Variants in FMNL2 observed in about 807,000 individuals in gnomAD.
FMNL2 encodes the protein formin like 2.
In FMNL2, 51 loss-of-function variants were observed where a neutral mutation model predicts 130.2. The ratio of observed to expected loss-of-function variants is 0.39; its 90% CI spans 0.31 to 0.49. FMNL2 has a LOEUF of 0.49. Among genes scored for constraint, FMNL2 ranks in the 20% least tolerant of loss-of-function variants. The probability of loss-of-function intolerance (pLI) is 0.85; values close to 1 mark genes in which losing one functional copy is unlikely to be tolerated. For missense variants in FMNL2, 977 were observed against 1,316.2 expected (o/e 0.74, Z 3.99); for synonymous variants, 465 against 467.1 (o/e 1.00, Z 0.06).
intron 1 of FMNL2, among the ~76,000 whole-genome samples, chr2:152,419,260 A>G (rs1686779794): frequency 6.6e-6 from 1 of 152,170 alleles, no homozygotes; most frequent in African/African-American, 2.4e-5. Flanking sequence ...AAATCAAGCT[A>G]CCTAACCTAT....
chr2:152,425,581 C>A (rs1314817993), intron 1 of FMNL2, among the ~76,000 whole-genome samples: 1 of 152,124 alleles, frequency 6.6e-6, no homozygotes, highest in Non-Finnish European at 1.5e-5. Flanking sequence ...AATTATACTG[C>A]TTTTTAATGA....
chr2:152,335,947 G>T (rs999845191), intron 1 of FMNL2, among the ~76,000 whole-genome samples: 6 of 151,858 alleles, frequency 4.0e-5, no homozygotes, highest in African/African-American at 1.4e-4. Context: ...GCTCAGGGCC[G>T]GCTGCCCAAC....
intron 1 of FMNL2, among the ~76,000 whole-genome samples, chr2:152,427,119 A>G (rs958127549): frequency 5.3e-5 from 8 of 152,226 alleles, no homozygotes; most frequent in African/African-American, 1.9e-4. Context: ...TAGGAGCAGG[A>G]AATCATTCTG....
chr2:152,391,047 C>A (rs1032731673), intron 1 of FMNL2, among the ~76,000 whole-genome samples: 1 of 152,182 alleles, frequency 6.6e-6, no homozygotes, highest in African/African-American at 2.4e-5. Context: ...AATACTATAG[C>A]AATAGTAACC....
chr2:152,639,834 CT>C, intron 23 of FMNL2, 123 bp from the exon 24 acceptor site: 2 of 795,880 alleles, frequency 2.5e-6, no homozygotes, highest in South Asian at 1.9e-5. Context: ...AAGTGTAGAT[CT>C]TCTCAACCTT....
At chr2:152,445,263 G>A (rs181051775) in intron 1 of FMNL2, among the ~76,000 whole-genome samples, 2 of 152,272 alleles carry the variant, frequency 1.3e-5, no homozygotes, top group Admixed American at 1.3e-4. Flanking sequence ...TTTTCCCTGT[G>A]GAAACTGAGT....
chr2:152,535,050 C>T (rs183244337), intron 2 of FMNL2, among the ~76,000 whole-genome samples: 21 of 152,218 alleles, frequency 1.4e-4, no homozygotes, highest in Admixed American at 3.3e-4. Flanking sequence ...AAGTTGGGAA[C>T]GGAGGAAAGA....
At chr2:152,490,590 TG>T (rs1691106308) in intron 1 of FMNL2, among the ~76,000 whole-genome samples, 2 of 150,482 alleles carry the variant, frequency 1.3e-5, no homozygotes, top group East Asian at 3.9e-4. Context: ...TGTGTGTGTG[TG>T]TGTGTGTGTG....
chr2:152,532,691 T>C (rs1693773103), intron 2 of FMNL2, among the ~76,000 whole-genome samples: 1 of 151,148 alleles, frequency 6.6e-6, no homozygotes, highest in Non-Finnish European at 1.5e-5. Context: ...CATTGCAACC[T>C]CCGTTTCCTG....
chr2:152,490,972 T>C (rs559389525), intron 1 of FMNL2, among the ~76,000 whole-genome samples: 1 of 152,290 alleles, frequency 6.6e-6, no homozygotes, highest in Admixed American at 6.5e-5. Flanking sequence ...GTGCCTTGGA[T>C]AATGCTGCTG....
chr2:152,614,430 T>G (rs1384962250), intron 11 of FMNL2, among the ~76,000 whole-genome samples: 1 of 152,216 alleles, frequency 6.6e-6, no homozygotes, highest in African/African-American at 2.4e-5. Flanking sequence ...TGGAAAGGGC[T>G]GGACTATTTG....
chr2:152,355,106 A>C (rs967573587), intron 1 of FMNL2, among the ~76,000 whole-genome samples: 1 of 152,164 alleles, frequency 6.6e-6, no homozygotes, highest in Non-Finnish European at 1.5e-5. Context: ...CATGTGACTC[A>C]TTTCTTTTGG....
chr2:152,510,787 G>A (rs560599591), intron 1 of FMNL2, among the ~76,000 whole-genome samples: 3 of 152,234 alleles, frequency 2.0e-5, no homozygotes, highest in Admixed American at 6.5e-5. Flanking sequence ...GGCCTGCCAC[G>A]CAAGACTTTC....
chr2:152,384,623 A>G (rs1212894902), intron 1 of FMNL2, among the ~76,000 whole-genome samples: 1 of 152,126 alleles, frequency 6.6e-6, no homozygotes, highest in Non-Finnish European at 1.5e-5. Context: ...CGTGCTTGAA[A>G]GGTGGACTCT....
chr2:152,450,135 C>A (rs1043642436), intron 1 of FMNL2, among the ~76,000 whole-genome samples: 2 of 152,054 alleles, frequency 1.3e-5, no homozygotes, highest in African/African-American at 4.8e-5. Context: ...TTAATATTTG[C>A]ATTAAAAAAA....
chr2:152,418,976 C>CT (rs34491065), intron 1 of FMNL2, among the ~76,000 whole-genome samples: 367 of 142,212 alleles, frequency 2.6e-3, no homozygotes, highest in African/African-American at 8.6e-3. Flanking sequence ...GTGTCTTTTC[C>CT]TTTTTTTTTT....
At chr2:152,619,229 CT>C (rs1699108452) in intron 14 of FMNL2, 71 bp downstream of exon 14, 1 of 1,472,018 alleles carries the variant, frequency 6.8e-7, no homozygotes, top group East Asian at 2.4e-5. Flanking sequence ...CAACTGTCCA[CT>C]TCTGTCCTTT....
At chr2:152,509,494 T>G (rs1357449821) in intron 1 of FMNL2, among the ~76,000 whole-genome samples, 1 of 152,016 alleles carries the variant, frequency 6.6e-6, no homozygotes, top group Non-Finnish European at 1.5e-5. Flanking sequence ...CCAGAGAACT[T>G]TCCCTCTCAT....
intron 6 of FMNL2, among the ~76,000 whole-genome samples, chr2:152,566,250 AT>A (rs1695829431): frequency 4.6e-5 from 7 of 152,208 alleles, no homozygotes; most frequent in Admixed American, 4.6e-4. Flanking sequence ...CATAGAAGTA[AT>A]TATTAAAAGT....
Sources: allele counts gnomAD v4.1 joint callset (sites outside exome capture counted in the v4.1 genomes callset), GRCh38; gene constraint gnomAD v4.1.1; transcripts MANE v1.5; gene names NCBI Gene and HGNC (gene_info 2026-07-23, HGNC 2026-07-21).